RGS17: variants seen among roughly 807,000 people sequenced by gnomAD.
RGS17 encodes the protein regulator of G-protein signaling 17.
Under a neutral mutation model 25.5 loss-of-function variants are expected in RGS17, and 12 were observed. The ratio of observed to expected loss-of-function variants is 0.47; its 90% CI spans 0.30 to 0.76. The LOEUF is 0.76. RGS17 is among the 30% of genes least tolerant of loss of function. The pLI is 0.07. For missense variants in RGS17, 196 were observed against 242.2 expected (o/e 0.81, Z 1.27); for synonymous variants, 71 against 76.9 (o/e 0.92, Z 0.40).
intron 1 of RGS17, among the ~76,000 whole-genome samples, chr6:153,044,721 C>G (rs907579659): frequency 6.6e-6 from 1 of 152,082 alleles, no homozygotes; most frequent in South Asian, 2.1e-4. Flanking sequence ...TAAAAGTCAT[C>G]AAATTCAGGG....
chr6:153,073,655 G>A (rs1374822937), intron 1 of RGS17, among the ~76,000 whole-genome samples: 1 of 152,022 alleles, frequency 6.6e-6, no homozygotes, highest in Non-Finnish European at 1.5e-5. Context: ...GGTGGAGAGT[G>A]GTCTTCCCAC....
chr6:153,028,882 G>A (rs1472215692), intron 2 of RGS17, among the ~76,000 whole-genome samples: 1 of 152,094 alleles, frequency 6.6e-6, no homozygotes, highest in East Asian at 1.9e-4. Context: ...CATGACGCAG[G>A]TATACTTCAT....
At chr6:153,063,402 T>A (rs1055112523) in intron 1 of RGS17, among the ~76,000 whole-genome samples, 1 of 152,056 alleles carries the variant, frequency 6.6e-6, no homozygotes, top group Non-Finnish European at 1.5e-5. Flanking sequence ...TTAAAAAGAA[T>A]CAAGCAGACA....
chr6:153,131,256 A>T lies in RGS17; in HGVS notation c.-158T>A, dbSNP rs1350660370. Reference sequence around the variant, plus strand: ...ACCCAGCGGGCGAGGAGAGAGGGAGAGCGGCGAGGATGCAGAGGAGGGGGA... The same window carrying T: ...ACCCAGCGGGCGAGGAGAGAGGGAGTGCGGCGAGGATGCAGAGGAGGGGGA... On this transcript the variant is annotated 5_prime_UTR_variant, in exon 1 of 5. Transcript: ENST00000206262. The T allele has an allele frequency of 8.5e-6, 1 of 117,396 alleles. No homozygotes were observed. The highest frequency in any genetic ancestry group is 1.7e-5 in the Non-Finnish European group (1 of 57,740). 7.3% of individuals were successfully genotyped at this position (117,396 alleles called of 1,614,324 possible).
At position 153,130,271 on chromosome 6, in the gene RGS17, C is replaced by T. The variant is rs1777767058; in HGVS notation, c.-26+853G>A. ...GGCAGAGATTAAACTATGATTCCAT[C>T]GATCACGGAAAGACCACCATCACCT... On this transcript the variant is annotated intron_variant, in intron 1 of 4. Transcript: ENST00000206262. This position sits in a 1 kb window ranked among gnomAD's most constrained non-coding sequence, Gnocchi z 6.4. Among the ~76,000 whole-genome samples the T allele has an allele frequency of 6.6e-6, 1 of 152,104 alleles. No homozygotes were observed. The highest frequency in any genetic ancestry group is 1.5e-5 in the Non-Finnish European group (1 of 68,016).
At chr6:153,026,854 T>TTA (rs959815363) in intron 2 of RGS17, among the ~76,000 whole-genome samples, 13 of 152,038 alleles carry the variant, frequency 8.6e-5, no homozygotes, top group South Asian at 2.1e-4. Flanking sequence ...TGCCTTAATA[T>TTA]TATATATATA....
rs1777776082 is a variant in RGS17 at position 153,130,704 on chromosome 6, C to T, written c.-26+420G>A. ...TTCCCAACCAACCGCACAAAACCCG[C>T]AACACCTCGCGTCCCCGCGGGGTCT... On this transcript the variant is annotated intron_variant, in intron 1 of 4. Transcript: ENST00000206262. The surrounding 1 kb of genome is among the most constrained non-coding windows in gnomAD (Gnocchi z 6.4). Among the ~76,000 whole-genome samples, 1 of 152,150 alleles carries T rather than the reference C, an allele frequency of 6.6e-6. No homozygotes were observed. Among genetic ancestry groups the T allele is most frequent in the Admixed American group, 6.5e-5 (1 of 15,288 alleles).
rs1400185468 is a variant in RGS17, at chr6:153,054,072, A to G, written c.-25-10029T>C. ...ATATGTATATAATATATATACATATATATATACACACAATATTTTTTATAT... is the reference window on the plus strand; with the variant it reads ...ATATGTATATAATATATATACATATGTATATACACACAATATTTTTTATAT... On this transcript the variant is annotated intron_variant, in intron 1 of 4. Transcript: ENST00000206262. 1.2e-4 allele frequency among the ~76,000 whole-genome samples: 6 copies of G among 50,198 alleles called. 1 individual carries two copies. In the East Asian group the frequency reaches 3.5e-3, roughly 29 times the overall value. The allele number at this position is 50,198 out of a possible 152,430, so 32.9% of individuals were successfully genotyped here.
intron 1 of RGS17, among the ~76,000 whole-genome samples, chr6:153,127,955 C>G (rs1424690172): frequency 3.9e-5 from 6 of 152,158 alleles, no homozygotes. Context: ...GTGCCAGGTG[C>G]TGGCACAATA....
chr6:153,119,481 G>A (rs943717097), intron 1 of RGS17, among the ~76,000 whole-genome samples: 11 of 152,096 alleles, frequency 7.2e-5, no homozygotes, highest in Admixed American at 2.0e-4. Context: ...GCCTGAGGTC[G>A]GAGTTTGAGA....
At chr6:153,075,473 G>T (rs1449469917) in intron 1 of RGS17, among the ~76,000 whole-genome samples, 1 of 152,080 alleles carries the variant, frequency 6.6e-6, no homozygotes, top group African/African-American at 2.4e-5. Context: ...TCACATTCTT[G>T]CACCTGAGAT....
intron 3 of RGS17, among the ~76,000 whole-genome samples, chr6:153,025,098 C>T (rs59031996): frequency 0.023 from 3,452 of 151,824 alleles, 136 homozygotes; most frequent in African/African-American, 0.078. Context: ...TCTCTTGAGT[C>T]CAGGAGTTTG....
intron 1 of RGS17, among the ~76,000 whole-genome samples, chr6:153,047,312 T>C (rs9397125): frequency 0.39 from 58,832 of 152,086 alleles, 12,124 homozygotes; most frequent in East Asian, 0.62. Context: ...TAAAAGTCTA[T>C]GTTTCTCTGT....
chr6:153,035,029 C>T (rs922891916), intron 2 of RGS17, among the ~76,000 whole-genome samples: 1 of 151,974 alleles, frequency 6.6e-6, no homozygotes, highest in African/African-American at 2.4e-5. Flanking sequence ...TGGTGCATGC[C>T]TGCAGTCCCA....
intron 1 of RGS17, among the ~76,000 whole-genome samples, chr6:153,082,373 T>C (rs558144881): frequency 2.6e-5 from 4 of 152,270 alleles, no homozygotes; most frequent in East Asian, 1.9e-4. Context: ...ACGGAGGCTG[T>C]GTCAATTTTC....
chr6:153,087,709 T>C (rs1452259493), intron 1 of RGS17, among the ~76,000 whole-genome samples: 1 of 152,182 alleles, frequency 6.6e-6, no homozygotes, highest in African/African-American at 2.4e-5. Flanking sequence ...AGGCAGATAA[T>C]GTCTCATCTC....
At chr6:153,115,147 G>T (rs529419964) in intron 1 of RGS17, among the ~76,000 whole-genome samples, 1 of 152,190 alleles carries the variant, frequency 6.6e-6, no homozygotes, top group South Asian at 2.1e-4. Flanking sequence ...AATTGTCTCT[G>T]TTTGCAGATA....
At chr6:153,122,782 C>A (rs1777650871) in intron 1 of RGS17, among the ~76,000 whole-genome samples, 1 of 151,828 alleles carries the variant, frequency 6.6e-6, no homozygotes, top group African/African-American at 2.4e-5. Flanking sequence ...GTATGAAAAG[C>A]AAAGATGCTC....
At chr6:153,078,184 T>C (rs984847506) in intron 1 of RGS17, among the ~76,000 whole-genome samples, 7 of 152,192 alleles carry the variant, frequency 4.6e-5, no homozygotes, top group South Asian at 2.1e-4. Context: ...ACACTATCTT[T>C]ATAGGAAATT....
Sources: allele counts gnomAD v4.1 joint callset (sites outside exome capture counted in the v4.1 genomes callset), GRCh38; gene constraint gnomAD v4.1.1; non-coding constraint Gnocchi (gnomAD v3.1); transcripts MANE v1.5; gene names NCBI Gene and HGNC (gene_info 2026-07-23, HGNC 2026-07-21).